Variants in GLO1 observed in about 807,000 individuals in gnomAD.
The protein encoded by GLO1 is lactoylglutathione lyase.
In GLO1, 28 loss-of-function variants were observed where a neutral mutation model predicts 26.0. That is an observed-to-expected ratio of 1.08 (90% CI 0.80 to 1.48). The LOEUF (loss-of-function observed/expected upper bound fraction) is 1.48. Among genes scored for constraint, GLO1 ranks in the 40% most tolerant of loss-of-function variants. GLO1 has a pLI of 0.00. For synonymous variants in GLO1, 78 were observed against 77.6 expected (o/e 1.00, Z -0.03); for missense variants, 225 against 224.8 (o/e 1.00, Z -0.01).
At position 38,686,931 on chromosome 6, in the gene GLO1, T is replaced by C. The variant is rs936450419; in HGVS notation, c.128A>G (p.Lys43Arg). 6.2e-7 allele frequency: 1 copy of C among 1,606,780 alleles called. No homozygotes were observed. The highest frequency in any genetic ancestry group is 1.3e-5 in the African/African-American group (1 of 74,768). ...QQTMLRVKDP[K>R]KSLDFYTRVL... ...TCTAGTATAAAAATCCAGTGACTTC[T>C]TAGGATCCTTCACTCGTAGCATGGT... The change falls in exon 2 of 6, where the codon AAG (lysine) becomes AGG (arginine). Residue 43 changes from lysine to arginine, a missense_variant. Transcript: ENST00000373365.
chr6:38,681,688 G>A (rs1761382350), intron 5 of GLO1, among the ~76,000 whole-genome samples: 1 of 152,138 alleles, frequency 6.6e-6, no homozygotes, highest in Non-Finnish European at 1.5e-5. Flanking sequence ...TTATTTTTGG[G>A]CGGAAAGATA....
chr6:38,684,418 TTTTTCATCTTTTTCTTTAGG>T lies in GLO1; in HGVS notation c.244_263del (p.Pro82AsnfsTer12), dbSNP rs754946276. On this transcript the variant is annotated frameshift_variant, in exon 3 of 6. Transcript: ENST00000373365. LOFTEE classifies it high-confidence loss of function. ...CTTTTCTGGAGAGCGCCCAGGCTAT[TTTTTCATCTTTTTCTTTAGG>T]GATGTCATTTTTATCCTCATAAGCC... is the stretch of plus-strand genomic sequence containing the variant. 1.3e-5 allele frequency: 21 copies of T among 1,574,386 alleles called. No individual in the cohort carries two copies. In the East Asian group the frequency reaches 4.2e-4, roughly 32 times the overall value.
intron 5 of GLO1, among the ~76,000 whole-genome samples, chr6:38,680,461 C>T (rs769605059): frequency 7.9e-5 from 12 of 152,272 alleles, no homozygotes; most frequent in Middle Eastern, 3.4e-3. Context: ...GCAGAGGTTG[C>T]GGTGAGCCAA....
chr6:38,679,055 C>T (rs1384535139), intron 5 of GLO1, among the ~76,000 whole-genome samples: 1 of 152,142 alleles, frequency 6.6e-6, no homozygotes, highest in Non-Finnish European at 1.5e-5. Flanking sequence ...AACCATAAAA[C>T]ACCCCCAAAG....
chr6:38,677,252 T>C lies in GLO1; in HGVS notation c.*43A>G. On this transcript the variant is annotated 3_prime_UTR_variant, in exon 6 of 6. Transcript: ENST00000373365. ...GGTATGTAAATATCTTGAATCACAT[T>C]GTTTCCTTTCTTCTGAAATCTCAAA... 1.1e-6 allele frequency: 1 copy of C among 890,886 alleles called. No homozygotes were observed. The highest frequency in any genetic ancestry group is 1.9e-6 in the Non-Finnish European group (1 of 520,922). 55.2% of individuals were successfully genotyped at this position (890,886 alleles called of 1,614,324 possible).
chr6:38,702,994 A>G lies in GLO1; in HGVS notation c.61T>C (p.Ser21Pro), dbSNP rs2127549826. Residue 21 changes from serine to proline, a missense_variant, in exon 1 of 6, where the codon TCC (serine) becomes CCC (proline). Transcript: ENST00000373365. ...ACCTTGGTACTGGGGTCCGCGTCGG[A>G]GCAGCAACTGAGGGCGGCCTCGTCC... Reference protein sequence around the residue: ...LTDEAALSCCSDADPSTKDFL... With the variant: ...LTDEAALSCCPDADPSTKDFL... 1 of 1,588,310 alleles carries G rather than the reference A, an allele frequency of 6.3e-7. No individual in the cohort carries two copies. Among genetic ancestry groups the G allele is most frequent in the African/African-American group, 1.3e-5 (1 of 74,136 alleles).
chr6:38,676,025 A>G lies in GLO1; in HGVS notation c.*1270T>C, dbSNP rs1433887702. 1 of 152,160 alleles carries G rather than the reference A, an allele frequency of 6.6e-6. No homozygotes were observed. The highest frequency in any genetic ancestry group is 1.5e-5 in the Non-Finnish European group (1 of 68,032). 9.4% of individuals were successfully genotyped at this position (152,160 alleles called of 1,614,324 possible). The stretch of plus-strand genomic sequence containing the variant: ...CTCACATAAATCCATTTCACCCAAA[A>G]AGGAAACATAAAGTGCTTCTAGCAG... On this transcript the variant is annotated 3_prime_UTR_variant, in exon 6 of 6. Coordinates refer to ENST00000373365, the MANE Select transcript of GLO1 (RefSeq NM_006708.3).
At chr6:38,681,196 C>A (rs755631484) in intron 5 of GLO1, among the ~76,000 whole-genome samples, 21 of 151,934 alleles carry the variant, frequency 1.4e-4, no homozygotes, top group Non-Finnish European at 2.5e-4. Flanking sequence ...CCTGAGTAGG[C>A]GGACTATAGG....
At chr6:38,693,607 C>T (rs542789823) in intron 1 of GLO1, among the ~76,000 whole-genome samples, 14 of 151,010 alleles carry the variant, frequency 9.3e-5, no homozygotes, top group African/African-American at 3.2e-4. Context: ...CAGTGCTATA[C>T]ATTTCCCCCT....
intron 1 of GLO1, among the ~76,000 whole-genome samples, chr6:38,692,992 C>T (rs550911073): frequency 5.9e-5 from 9 of 151,854 alleles, no homozygotes; most frequent in African/African-American, 1.9e-4. Flanking sequence ...CTGTAGTTTT[C>T]TTGTACTGTC....
chr6:38,691,667 C>G (rs933900063), intron 1 of GLO1, among the ~76,000 whole-genome samples: 2 of 151,960 alleles, frequency 1.3e-5, no homozygotes, highest in Non-Finnish European at 2.9e-5. Context: ...GCCTACAATA[C>G]AATCCTTACA....
chr6:38,683,908 A>G (rs191725143), intron 3 of GLO1, among the ~76,000 whole-genome samples: 145 of 149,844 alleles, frequency 9.7e-4, no homozygotes, highest in African/African-American at 3.5e-3. Context: ...AAATAAATAA[A>G]TAAAAATAAA....
At chr6:38,697,212 C>T (rs1012797071) in intron 1 of GLO1, among the ~76,000 whole-genome samples, 2 of 152,152 alleles carry the variant, frequency 1.3e-5, no homozygotes, top group African/African-American at 2.4e-5. Context: ...CGGGCCTGGC[C>T]CAGAAAGTCT....
At chr6:38,680,881 T>A (rs1761362261) in intron 5 of GLO1, among the ~76,000 whole-genome samples, 1 of 151,866 alleles carries the variant, frequency 6.6e-6, no homozygotes, top group African/African-American at 2.4e-5. Context: ...TGGATGAGAG[T>A]GAGATCCTGT....
chr6:38,697,779 CAG>C (rs1358992601), intron 1 of GLO1, among the ~76,000 whole-genome samples: 1 of 152,160 alleles, frequency 6.6e-6, no homozygotes, highest in Non-Finnish European at 1.5e-5. Context: ...TGGTTTTCAC[CAG>C]ACTTTTAAAA....
chr6:38,682,435 A>G (rs973493194), intron 4 of GLO1, among the ~76,000 whole-genome samples: 2 of 152,228 alleles, frequency 1.3e-5, no homozygotes, highest in Non-Finnish European at 2.9e-5. Context: ...CATTGACTAT[A>G]GCAGCCAGCT....
chr6:38,693,685 C>CTCTCTCTCTCTCTCTATATATATATA (rs869232489), intron 1 of GLO1, among the ~76,000 whole-genome samples: 2 of 86,442 alleles, frequency 2.3e-5, no homozygotes, highest in East Asian at 5.9e-4. Flanking sequence ...CTCTCTCTCT[C>CTCTCTCTCTCTCTCTATATATATATA]TATATATATA....
chr6:38,687,184 C>T, intron 1 of GLO1: 1 of 734,788 alleles, frequency 1.4e-6, no homozygotes. Context: ...GAATGACCTT[C>T]AACCAATGGT....
chr6:38,694,818 C>G (rs958052317), intron 1 of GLO1, among the ~76,000 whole-genome samples: 33 of 152,328 alleles, frequency 2.2e-4, no homozygotes, highest in African/African-American at 6.7e-4. Flanking sequence ...ACTGTGTCAT[C>G]TTGGTCAATC....
Sources: gnomAD v4.1 joint callset for allele counts (sites outside exome capture counted in the v4.1 genomes callset) on GRCh38, gnomAD v4.1.1 for gene constraint, MANE v1.5 for transcripts, NCBI Gene and HGNC (gene_info 2026-07-23, HGNC 2026-07-21) for gene names.